COG5: variants seen among roughly 807,000 people sequenced by gnomAD.
COG5 encodes the protein component of oligomeric golgi complex 5, also known as conserved oligomeric Golgi complex subunit 5.
Under a neutral mutation model 110.4 loss-of-function variants are expected in COG5, and 86 were observed. That is an observed-to-expected ratio of 0.78 (90% CI 0.65 to 0.93). The LOEUF is 0.93. COG5 is among the 40% of genes least tolerant of loss of function. The pLI is 0.00. For missense variants in COG5, 1,077 were observed against 987.0 expected (o/e 1.09, Z -1.22); for synonymous variants, 360 against 334.6 (o/e 1.08, Z -0.83).
chr7:107,209,868 G>A (rs1799039225), intron 21 of COG5: 1 of 985,822 alleles, frequency 1.0e-6, no homozygotes. Flanking sequence ...GAGTGGTAAG[G>A]TAAAAATGGG....
intron 11 of COG5, among the ~76,000 whole-genome samples, chr7:107,320,369 C>T (rs1329276582): frequency 6.6e-6 from 1 of 152,152 alleles, no homozygotes; most frequent in East Asian, 1.9e-4. Context: ...GACAATTTTC[C>T]TTTTAGAATA....
At chr7:107,434,041 ACAAG>A (rs1794200567) in intron 6 of COG5, among the ~76,000 whole-genome samples, 1 of 152,244 alleles carries the variant, frequency 6.6e-6, no homozygotes, top group African/African-American at 2.4e-5. Flanking sequence ...CAGGTGGCCA[ACAAG>A]CACATGAAAA....
At chr7:107,497,679 G>A (rs1798365634) in intron 6 of COG5, among the ~76,000 whole-genome samples, 1 of 152,072 alleles carries the variant, frequency 6.6e-6, no homozygotes, top group Non-Finnish European at 1.5e-5. Context: ...AATGTTCATA[G>A]ATTAGACAAC....
chr7:107,560,057 A>G (rs1327292227), intron 1 of COG5, among the ~76,000 whole-genome samples: 2 of 152,238 alleles, frequency 1.3e-5, no homozygotes, highest in East Asian at 3.9e-4. Flanking sequence ...GATGATGGAA[A>G]AAGGATTAGT....
At chr7:107,462,593 T>G (rs1183562259) in intron 6 of COG5, among the ~76,000 whole-genome samples, 1 of 113,050 alleles carries the variant, frequency 8.8e-6, no homozygotes, top group Non-Finnish European at 1.7e-5. Context: ...ACATTAGAAC[T>G]AGGAGAAGAA....
intron 6 of COG5, among the ~76,000 whole-genome samples, chr7:107,491,362 C>T (rs747052600): frequency 3.3e-5 from 5 of 152,066 alleles, no homozygotes; most frequent in Non-Finnish European, 7.4e-5. Flanking sequence ...TCATACAGCA[C>T]ATCCCAATAA....
chr7:107,481,301 G>A (rs944041836), intron 6 of COG5, among the ~76,000 whole-genome samples: 1 of 152,036 alleles, frequency 6.6e-6, no homozygotes, highest in Admixed American at 6.6e-5. Context: ...ACAAGGTTAT[G>A]GGGAAACTGC....
intron 14 of COG5, among the ~76,000 whole-genome samples, chr7:107,278,075 A>G (rs1300614833): frequency 6.6e-6 from 1 of 152,122 alleles, no homozygotes; most frequent in Non-Finnish European, 1.5e-5. Flanking sequence ...TTCTATAACC[A>G]ATCTTTAGGG....
intron 19 of COG5, among the ~76,000 whole-genome samples, chr7:107,214,342 A>G (rs189895840): frequency 6.4e-4 from 98 of 152,270 alleles, no homozygotes; most frequent in African/African-American, 2.3e-3. Context: ...ATGAGATGAT[A>G]TATTTAAAGT....
At chr7:107,396,700 A>G (rs1791042829) in intron 7 of COG5, among the ~76,000 whole-genome samples, 1 of 152,176 alleles carries the variant, frequency 6.6e-6, no homozygotes, top group Non-Finnish European at 1.5e-5. Flanking sequence ...TAATTTCTCA[A>G]TTTTTAACAA....
chr7:107,533,164 C>A lies in COG5; in HGVS notation c.418-5807G>T, dbSNP rs761491479. On this transcript the variant is annotated intron_variant, in intron 5 of 21. Coordinates refer to ENST00000297135, the MANE Select transcript of COG5 (RefSeq NM_006348.5). ...TCATGCAAAAACTCCATCCAAAGGT[C>A]ACCAACAGCAAAGACCAAAAGGTAG... Among the ~76,000 whole-genome samples, 86 of 151,604 alleles carry A rather than the reference C, an allele frequency of 5.7e-4. 1 individual carries two copies. Among genetic ancestry groups the A allele is most frequent in the South Asian group, 1.0e-3 (5 of 4,816 alleles).
intron 19 of COG5, among the ~76,000 whole-genome samples, chr7:107,213,252 C>T (rs1485296814): frequency 6.6e-6 from 1 of 152,120 alleles, no homozygotes; most frequent in Non-Finnish European, 1.5e-5. Context: ...GCCTCAGAGC[C>T]CACCCCAAGG....
At chr7:107,541,258 A>G (rs1323820148) in intron 5 of COG5, among the ~76,000 whole-genome samples, 1 of 151,760 alleles carries the variant, frequency 6.6e-6, no homozygotes, top group African/African-American at 2.4e-5. Flanking sequence ...GCACTTTGGG[A>G]GGCCAATACA....
Position 107,394,215 on chromosome 7 carries a change from G to A in COG5, c.669+18287C>T, listed in dbSNP as rs192245330. 1.6e-3 allele frequency among the ~76,000 whole-genome samples: 245 copies of A among 150,900 alleles called. 1 individual carries two copies. The highest frequency in any genetic ancestry group is 5.5e-3 in the African/African-American group (228 of 41,118). On this transcript the variant is annotated intron_variant, in intron 7 of 21. Transcript: ENST00000297135. ...CCTGACCTTGTGATCCGCCTGCCTC[G>A]GCCTCCCAAAATGCTGTGATTACAG...
At chr7:107,562,729 TA>T in intron 1 of COG5, among the ~76,000 whole-genome samples, 1 of 152,348 alleles carries the variant, frequency 6.6e-6, no homozygotes, top group South Asian at 2.1e-4. Flanking sequence ...CAAAAGTACA[TA>T]AATTATCATG....
At chr7:107,341,722 CACCT>C (rs1368479946) in intron 10 of COG5, among the ~76,000 whole-genome samples, 2 of 152,068 alleles carry the variant, frequency 1.3e-5, no homozygotes, top group Non-Finnish European at 2.9e-5. Context: ...TAAAGCCTCA[CACCT>C]ACAGCCATCT....
intron 7 of COG5, among the ~76,000 whole-genome samples, chr7:107,382,864 G>A (rs1815248380): frequency 6.6e-6 from 1 of 152,162 alleles, no homozygotes; most frequent in Non-Finnish European, 1.5e-5. Flanking sequence ...TTCACTAGTT[G>A]TTTTTAAGTT....
At chr7:107,523,812 T>C (rs1800520174) in intron 6 of COG5, among the ~76,000 whole-genome samples, 1 of 148,902 alleles carries the variant, frequency 6.7e-6, no homozygotes, top group Non-Finnish European at 1.5e-5. Context: ...CAAAACTTTG[T>C]CTCAAAAAGA....
intron 19 of COG5, among the ~76,000 whole-genome samples, chr7:107,215,523 G>C (rs1429630375): frequency 6.6e-6 from 1 of 151,824 alleles, no homozygotes; most frequent in Non-Finnish European, 1.5e-5. Context: ...AATTAGCTGG[G>C]TGTGGTGGCG....
Sources: allele counts gnomAD v4.1 joint callset (sites outside exome capture counted in the v4.1 genomes callset), GRCh38; gene constraint gnomAD v4.1.1; transcripts MANE v1.5; gene names NCBI Gene and HGNC (gene_info 2026-07-23, HGNC 2026-07-21).